Variants in CMSS1 observed in about 807,000 individuals in gnomAD.
The protein encoded by CMSS1 is cms1 ribosomal small subunit homolog, also known as protein CMSS1.
Under a neutral mutation model 43.5 loss-of-function variants are expected in CMSS1, and 33 were observed. The ratio of observed to expected loss-of-function variants is 0.76; its 90% CI spans 0.57 to 1.01. CMSS1 has a LOEUF of 1.01. Among genes scored for constraint, CMSS1 ranks in the 50% least tolerant of loss-of-function variants. The pLI is 0.00. For missense variants in CMSS1, 313 were observed against 326.4 expected (o/e 0.96, Z 0.32); for synonymous variants, 115 against 117.2 (o/e 0.98, Z 0.12).
chr3:99,876,712 A>G (rs978816422), intron 1 of CMSS1, among the ~76,000 whole-genome samples: 2 of 152,016 alleles, frequency 1.3e-5, no homozygotes, highest in African/African-American at 2.4e-5. Flanking sequence ...TTATTTCCTG[A>G]TGATGTAACT....
chr3:99,931,316 T>C (rs1707476145), intron 1 of CMSS1, among the ~76,000 whole-genome samples: 7 of 152,160 alleles, frequency 4.6e-5, no homozygotes, highest in Non-Finnish European at 1.5e-5. Flanking sequence ...CCCCAAGCAT[T>C]CCACCTCAGG....
At chr3:99,964,809 C>G (rs73138610) in intron 1 of CMSS1, among the ~76,000 whole-genome samples, 18,481 of 152,094 alleles carry the variant, frequency 0.12, 1,508 homozygotes, top group Non-Finnish European at 0.18. Flanking sequence ...GGGATCATAC[C>G]TTCACACACC....
At chr3:99,925,771 C>T (rs1707273902) in intron 1 of CMSS1, 1 of 792,292 alleles carries the variant, frequency 1.3e-6, no homozygotes, top group South Asian at 5.8e-5. Context: ...TGGAGGTGAC[C>T]TCATAAAGGA....
intron 1 of CMSS1, among the ~76,000 whole-genome samples, chr3:99,949,573 A>G (rs1708116310): frequency 6.6e-6 from 1 of 152,192 alleles, no homozygotes; most frequent in Non-Finnish European, 1.5e-5. Flanking sequence ...CAACCTTGGA[A>G]TCTTTCTCAG....
At chr3:99,846,911 C>T (rs969116875) in intron 1 of CMSS1, among the ~76,000 whole-genome samples, 3 of 152,138 alleles carry the variant, frequency 2.0e-5, no homozygotes, top group Non-Finnish European at 2.9e-5. Context: ...TGTCTGAAAT[C>T]GTCGTTTTGG....
At chr3:100,068,954 G>A (rs1027569157) in intron 1 of CMSS1, among the ~76,000 whole-genome samples, 4 of 152,294 alleles carry the variant, frequency 2.6e-5, no homozygotes, top group Admixed American at 6.5e-5. Context: ...AGGTGGCACT[G>A]TGAAATAGAG....
chr3:99,850,543 C>T lies in CMSS1; in HGVS notation c.64+32500C>T, dbSNP rs750287688. The T allele has an allele frequency of 2.7e-5, 44 of 1,613,562 alleles. No homozygotes were observed. Among genetic ancestry groups the T allele is most frequent in the South Asian group, 5.5e-5 (5 of 91,014 alleles). ...ATCTTTCCCTTCCATATCTAGCACA[C>T]GTTTCCTGAGCTCTTCCACTTCAGC... On this transcript the variant is annotated intron_variant, in intron 1 of 9. Transcript: ENST00000421999.
chr3:99,910,142 T>C (rs1706746703), intron 1 of CMSS1, among the ~76,000 whole-genome samples: 1 of 136,706 alleles, frequency 7.3e-6, no homozygotes, highest in African/African-American at 2.5e-5. Flanking sequence ...AGTTGGTTTA[T>C]ACGTAATTTC....
At chr3:100,168,914 T>TACAC (rs534018826) in intron 6 of CMSS1, among the ~76,000 whole-genome samples, 1 of 149,934 alleles carries the variant, frequency 6.7e-6, no homozygotes, top group African/African-American at 2.4e-5. Context: ...CACATATATA[T>TACAC]ACACACACAC....
At chr3:99,895,201 T>C (rs1706209195) in intron 1 of CMSS1, among the ~76,000 whole-genome samples, 1 of 152,156 alleles carries the variant, frequency 6.6e-6, no homozygotes, top group South Asian at 2.1e-4. Context: ...AACTTAACTA[T>C]ATTTTATTCT....
At chr3:99,878,734 C>T (rs773111240) in intron 1 of CMSS1, among the ~76,000 whole-genome samples, 29 of 152,128 alleles carry the variant, frequency 1.9e-4, no homozygotes, top group Non-Finnish European at 1.8e-4. Flanking sequence ...TCACTTCAAA[C>T]GAAAGTCAAG....
intron 1 of CMSS1, among the ~76,000 whole-genome samples, chr3:100,088,023 G>C (rs1293528782): frequency 2.6e-5 from 4 of 152,042 alleles, no homozygotes; most frequent in African/African-American, 9.6e-5. Context: ...TAGAGATGGG[G>C]TTTTACCATG....
chr3:99,996,536 T>C (rs1709687394), intron 1 of CMSS1, among the ~76,000 whole-genome samples: 2 of 152,140 alleles, frequency 1.3e-5, no homozygotes, highest in Admixed American at 1.3e-4. Context: ...ACTCCACCAG[T>C]ACCAATTGAC....
intron 2 of CMSS1, among the ~76,000 whole-genome samples, 168 bp from the exon 3 acceptor site, chr3:100,160,262 C>G (rs1359366758): frequency 5.3e-5 from 8 of 152,120 alleles, no homozygotes; most frequent in African/African-American, 1.9e-4. Flanking sequence ...TCAGCCCAAC[C>G]GCTGCATAGT....
intron 1 of CMSS1, among the ~76,000 whole-genome samples, chr3:100,136,425 G>A (rs550191126): frequency 1.3e-5 from 2 of 152,284 alleles, no homozygotes; most frequent in African/African-American, 4.8e-5. Context: ...GCTGAGGGCC[G>A]AACTTGCCTG....
intron 1 of CMSS1, among the ~76,000 whole-genome samples, chr3:99,978,672 A>G: frequency 6.6e-6 from 1 of 152,150 alleles, no homozygotes. Flanking sequence ...AGGTGGGTGA[A>G]TCACATGAGG....
At chr3:100,104,006 T>C (rs377274276) in intron 1 of CMSS1, among the ~76,000 whole-genome samples, 1 of 152,232 alleles carries the variant, frequency 6.6e-6, no homozygotes, top group South Asian at 2.1e-4. Context: ...CCTCTTACCT[T>C]ATTTGCTTAA....
intron 9 of CMSS1, among the ~76,000 whole-genome samples, 181 bp downstream of exon 9, chr3:100,176,596 T>C (rs2067150487): frequency 6.6e-6 from 1 of 152,198 alleles, no homozygotes; most frequent in South Asian, 2.1e-4. Context: ...TACACATAAT[T>C]GTATCCTTTC....
chr3:100,066,139 G>A (rs1282570383), intron 1 of CMSS1, among the ~76,000 whole-genome samples: 1 of 152,180 alleles, frequency 6.6e-6, no homozygotes, highest in East Asian at 1.9e-4. Context: ...ACCTGTCAGT[G>A]TCTGAATTCA....
Sources: allele counts gnomAD v4.1 joint callset (sites outside exome capture counted in the v4.1 genomes callset), GRCh38; gene constraint gnomAD v4.1.1; transcripts MANE v1.5; gene names NCBI Gene and HGNC (gene_info 2026-07-23, HGNC 2026-07-21).